The following CREBBP variants were observed in gnomAD, a reference collection of about 807,000 sequenced individuals.
CREBBP encodes CREB-binding protein.
Under a neutral mutation model 265.0 loss-of-function variants are expected in CREBBP, and 19 were observed. The observed-to-expected ratio is 0.07, with a 90% CI of 0.05 to 0.11. The LOEUF (loss-of-function observed/expected upper bound fraction) is 0.11, where lower values mean the gene tolerates loss of function less well. CREBBP is among the 10% of genes least tolerant of loss of function. The probability of loss-of-function intolerance (pLI) is 1.00; values close to 1 mark genes in which losing one functional copy is unlikely to be tolerated. For synonymous variants in CREBBP, 1,457 were observed against 1,223.7 expected, an observed-to-expected ratio of 1.19 and a Z score of -3.98; for missense variants, 2,525 against 3,219.0, an observed-to-expected ratio of 0.78 and a Z score of 5.22.
chr16:3,800,775 G>T (rs1191278187), intron 3 of CREBBP, among the ~76,000 whole-genome samples: 1 of 152,120 alleles, frequency 6.6e-6, no homozygotes, highest in East Asian at 1.9e-4. Context: ...AAGAACAAAA[G>T]CCCCATGGGC....
At chr16:3,846,920 T>C (rs1328361277) in intron 2 of CREBBP, among the ~76,000 whole-genome samples, 1 of 152,248 alleles carries the variant, frequency 6.6e-6, no homozygotes, top group Non-Finnish European at 1.5e-5. Flanking sequence ...AGTATTTTTA[T>C]GGTTGTTTGT....
intron 3 of CREBBP, among the ~76,000 whole-genome samples, chr16:3,798,146 C>T (rs2053643287): frequency 6.6e-6 from 1 of 152,190 alleles, no homozygotes; most frequent in South Asian, 2.1e-4. Context: ...AGGATGCAGG[C>T]AGCCTCCTCT....
chr16:3,841,192 T>A (rs565504961), intron 2 of CREBBP, among the ~76,000 whole-genome samples: 66 of 152,296 alleles, frequency 4.3e-4, no homozygotes, highest in African/African-American at 1.5e-3. Flanking sequence ...CTGTGTAGTT[T>A]GAACGTATCT....
At chr16:3,780,634 G>A (rs139530024) in intron 8 of CREBBP, 98 bp downstream of exon 8, 49 of 1,334,440 alleles carry the variant, frequency 3.7e-5, no homozygotes, top group South Asian at 2.4e-4. Flanking sequence ...AAATAAGCAC[G>A]TGACTTGTAT....
chr16:3,861,310 C>T (rs544479047), intron 1 of CREBBP, among the ~76,000 whole-genome samples: 9 of 152,164 alleles, frequency 5.9e-5, no homozygotes, highest in Non-Finnish European at 1.3e-4. Context: ...GACAGTAGCA[C>T]CTGCTTCGCA....
At chr16:3,849,420 T>TGTGTGTGTGTGTGTGTG (rs2054744169) in intron 2 of CREBBP, among the ~76,000 whole-genome samples, 1 of 6,784 alleles carries the variant, frequency 1.5e-4, no homozygotes, top group African/African-American at 1.7e-4. Context: ...TGTGTGTGTG[T>TGTGTGTGTGTGTGTGTG]GTGTGTGTGT....
At position 3,726,447 on chromosome 16, in the gene CREBBP, A is replaced by T. The variant is rs567146441; in HGVS notation, c.*1271T>A. 5.1e-5 allele frequency: 12 copies of T among 233,156 alleles called. No homozygotes were observed. The highest frequency in any genetic ancestry group is 1.3e-3 in the Middle Eastern group (1 of 784). The allele number at this position is 233,156 out of a possible 1,614,324, so 14.4% of individuals were successfully genotyped here. On this transcript the variant is annotated 3_prime_UTR_variant, in exon 31 of 31. Coordinates refer to ENST00000262367, the MANE Select transcript of CREBBP (RefSeq NM_004380.3). ...CAGTCGCCCACCTCAGTCTCCGGGA[A>T]GAAAAGCCTCCGGGCGGCCGCTAAG... is the stretch of plus-strand genomic sequence containing the variant.
chr16:3,867,954 TAGA>T (rs1267002223), intron 1 of CREBBP, among the ~76,000 whole-genome samples: 1 of 151,822 alleles, frequency 6.6e-6, no homozygotes, highest in East Asian at 1.9e-4. Flanking sequence ...TTTAAAAAAA[TAGA>T]ACAAAGCCTG....
In CREBBP at chr16:3,823,801, T is replaced by A. The variant is rs1401689939; in HGVS notation, c.799-13022A>T. Among the ~76,000 whole-genome samples, 3 of 152,140 alleles carry A rather than the reference T, an allele frequency of 2.0e-5. No homozygotes were observed. The South Asian group carries it at 6.2e-4, about 31-fold the overall frequency. ...AATGCATTTAGTTCCCAAGTTTCCA[T>A]GGCAAGGCACACTTCTAGTCAGACA... On this transcript the variant is annotated intron_variant, in intron 2 of 30. Transcript: ENST00000262367.
intron 11 of CREBBP, among the ~76,000 whole-genome samples, chr16:3,775,555 A>G (rs574297005): frequency 6.6e-6 from 1 of 152,350 alleles, no homozygotes; most frequent in South Asian, 2.1e-4. Context: ...ACGGAGCACT[A>G]CCTTCAATGG....
chr16:3,768,146 T>TG (rs1258472659), intron 15 of CREBBP, among the ~76,000 whole-genome samples: 4 of 104,508 alleles, frequency 3.8e-5, no homozygotes, highest in African/African-American at 1.4e-4. Context: ...GTTTTTTTTT[T>TG]TTTTTTTTTT....
At position 3,842,607 on chromosome 16, in the gene CREBBP, T is replaced by C. The variant is rs529521202; in HGVS notation, c.798+7690A>G. Among the ~76,000 whole-genome samples the C allele has an allele frequency of 1.9e-4, 29 of 152,282 alleles. 1 individual carries two copies. The South Asian group carries it at 4.8e-3, about 25-fold the overall frequency. On this transcript the variant is annotated intron_variant, in intron 2 of 30. Transcript: ENST00000262367. The stretch of plus-strand genomic sequence containing the variant: ...ATAGTAATATCATGTATTGTTAATA[T>C]TGCCATGTTGTCAACAAGGGTCATG...
intron 2 of CREBBP, among the ~76,000 whole-genome samples, chr16:3,835,351 C>A (rs547792813): frequency 4.3e-4 from 65 of 151,866 alleles, no homozygotes; most frequent in Non-Finnish European, 9.1e-4. Flanking sequence ...TCTTTTTAAA[C>A]AATCCTTAAA....
chr16:3,807,633 G>C (rs771072237), intron 3 of CREBBP, among the ~76,000 whole-genome samples: 3 of 152,176 alleles, frequency 2.0e-5, no homozygotes, highest in Non-Finnish European at 2.9e-5. Flanking sequence ...TAACTGAAGA[G>C]TTTCAGGCTT....
At chr16:3,795,685 G>A (rs2053594145) in intron 3 of CREBBP, among the ~76,000 whole-genome samples, 1 of 152,162 alleles carries the variant, frequency 6.6e-6, no homozygotes, top group Non-Finnish European at 1.5e-5. Context: ...CTGCAAGCAT[G>A]CAGTACTGGT....
At chr16:3,868,853 G>A (rs139782332) in intron 1 of CREBBP, among the ~76,000 whole-genome samples, 12 of 152,310 alleles carry the variant, frequency 7.9e-5, no homozygotes, top group South Asian at 2.1e-4. Context: ...AGCCCAGCAG[G>A]GTGCCCCACA....
intron 3 of CREBBP, among the ~76,000 whole-genome samples, chr16:3,794,733 C>A (rs912579553): frequency 2.0e-5 from 3 of 152,144 alleles, no homozygotes; most frequent in African/African-American, 7.2e-5. Context: ...AAAAGGGGAC[C>A]CATAGAGTCT....
chr16:3,841,431 A>C lies in CREBBP; in HGVS notation c.798+8866T>G, dbSNP rs551970734. ...GAGGAAACTTTGTGCTCTTTTTACA[A>C]TTTTTAGTACAAATAAAGGTGTATA... On this transcript the variant is annotated intron_variant, in intron 2 of 30. Transcript: ENST00000262367. 2.0e-5 allele frequency among the ~76,000 whole-genome samples: 3 copies of C among 152,266 alleles called. No homozygotes were observed. In the South Asian group the frequency reaches 6.2e-4, roughly 32 times the overall value.
chr16:3,879,228 A>G (rs923674709), intron 1 of CREBBP, among the ~76,000 whole-genome samples: 3 of 27,960 alleles, frequency 1.1e-4, no homozygotes, highest in South Asian at 2.7e-3. Context: ...AAAAACACAC[A>G]CGCGCGCACA....
Sources: allele counts gnomAD v4.1 joint callset (sites outside exome capture counted in the v4.1 genomes callset), GRCh38; gene constraint gnomAD v4.1.1; transcripts MANE v1.5; gene names NCBI Gene and HGNC (gene_info 2026-07-23, HGNC 2026-07-21).